The following HDAC9 variants were observed in gnomAD, a reference collection of about 807,000 sequenced individuals.
The protein encoded by HDAC9 is histone deacetylase 9.
In HDAC9, 41 loss-of-function variants were observed where a neutral mutation model predicts 139.4. The ratio of observed to expected loss-of-function variants is 0.29; its 90% confidence interval spans 0.23 to 0.38. The LOEUF (loss-of-function observed/expected upper bound fraction) is 0.38, where lower values mean the gene tolerates loss of function less well. Among genes scored for constraint, HDAC9 ranks in the 10% least tolerant of loss-of-function variants. The pLI, the probability that HDAC9 is intolerant of heterozygous loss-of-function variation, is 1.00. For missense variants in HDAC9, 1,147 were observed against 1,297.0 expected, an observed-to-expected ratio of 0.88 and a Z score of 1.78; for synonymous variants, 517 against 476.2, an observed-to-expected ratio of 1.09 and a Z score of -1.12.
chr7:18,573,520 C>T (rs555160815), intron 2 of HDAC9, among the ~76,000 whole-genome samples: 2 of 152,304 alleles, frequency 1.3e-5, no homozygotes, highest in South Asian at 2.1e-4. Flanking sequence ...TCCACCCACT[C>T]GGCTCAACAG....
At chr7:18,500,163 A>G (rs1798000425) in intron 2 of HDAC9, among the ~76,000 whole-genome samples, 1 of 152,186 alleles carries the variant, frequency 6.6e-6, no homozygotes. Context: ...CAGGAGGCAT[A>G]ATTATTGTTA....
At chr7:18,385,088 G>A (rs1181924257) in intron 1 of HDAC9, among the ~76,000 whole-genome samples, 1 of 152,136 alleles carries the variant, frequency 6.6e-6, no homozygotes, top group Admixed American at 6.5e-5. Flanking sequence ...AAGTTGGTGT[G>A]GATGCCAAAA....
In HDAC9 at chr7:18,474,929, C is replaced by T. The variant is rs111651883; in HGVS notation, c.-41-21333C>T. ...AAGGAAAGAGAAATCTATAAAGACA[C>T]CTTGTATGGATGTTGCTGATGTCAC... On this transcript the variant is annotated intron_variant, in intron 1 of 3. Transcript: ENST00000413509. 8.0e-3 allele frequency among the ~76,000 whole-genome samples: 1,217 copies of T among 152,200 alleles called. 19 individuals carry two copies. Among genetic ancestry groups the T allele is most frequent in the African/African-American group, 0.028 (1,154 of 41,526 alleles).
intron 6 of HDAC9, among the ~76,000 whole-genome samples, chr7:18,625,466 G>T (rs1841425806): frequency 6.6e-6 from 1 of 152,120 alleles, no homozygotes; most frequent in African/African-American, 2.4e-5. Flanking sequence ...GTGCTTTGTA[G>T]GATGTTTGGC....
At chr7:18,419,985 C>T (rs1789467576) in intron 1 of HDAC9, among the ~76,000 whole-genome samples, 1 of 152,242 alleles carries the variant, frequency 6.6e-6, no homozygotes, top group Non-Finnish European at 1.5e-5. Flanking sequence ...GACTCAGGTA[C>T]AGGCACTATG....
intron 1 of HDAC9, among the ~76,000 whole-genome samples, chr7:18,149,470 C>G (rs930867472): frequency 6.7e-6 from 1 of 150,296 alleles, no homozygotes; most frequent in African/African-American, 2.4e-5. Context: ...TTCCTCCCAC[C>G]TCTGCCTCCT....
intron 22 of HDAC9, among the ~76,000 whole-genome samples, chr7:18,888,404 G>A (rs1164241001): frequency 6.6e-6 from 1 of 152,142 alleles, no homozygotes; most frequent in Non-Finnish European, 1.5e-5. Context: ...CAGCCTGGGC[G>A]ACAGAGCGAG....
At chr7:18,399,863 C>T (rs1787378539) in intron 1 of HDAC9, among the ~76,000 whole-genome samples, 1 of 152,174 alleles carries the variant, frequency 6.6e-6, no homozygotes, top group South Asian at 2.1e-4. Context: ...AATCTGCTCC[C>T]AGCAAGCTTG....
At chr7:18,409,961 G>A (rs2073846859) in intron 1 of HDAC9, among the ~76,000 whole-genome samples, 2 of 152,126 alleles carry the variant, frequency 1.3e-5, no homozygotes, top group African/African-American at 4.8e-5. Flanking sequence ...GTAGTAAAGT[G>A]AACAATAGAA....
chr7:18,211,434 A>T (rs1791929177), intron 2 of HDAC9, among the ~76,000 whole-genome samples: 1 of 152,120 alleles, frequency 6.6e-6, no homozygotes, highest in African/African-American at 2.4e-5. Context: ...AATTGATTTG[A>T]CCTTTTGTCC....
At chr7:18,378,383 A>T (rs771181592) in intron 1 of HDAC9, among the ~76,000 whole-genome samples, 11 of 152,012 alleles carry the variant, frequency 7.2e-5, no homozygotes, top group Non-Finnish European at 1.3e-4. Context: ...TAAATTATAT[A>T]AAAAACTTTA....
At chr7:18,100,649 A>G (rs1782788511) in intron 1 of HDAC9, among the ~76,000 whole-genome samples, 1 of 152,184 alleles carries the variant, frequency 6.6e-6, no homozygotes, top group Non-Finnish European at 1.5e-5. Flanking sequence ...AACTTTCTGG[A>G]CATATGGAAT....
intron 6 of HDAC9, among the ~76,000 whole-genome samples, chr7:18,614,579 CTCT>C (rs1179129876): frequency 3.3e-5 from 5 of 152,114 alleles, no homozygotes; most frequent in Admixed American, 1.3e-4. Context: ...AATGGAGTCT[CTCT>C]TCTTCTCTTC....
At chr7:18,225,968 C>G (rs1793025842) in intron 2 of HDAC9, among the ~76,000 whole-genome samples, 1 of 152,076 alleles carries the variant, frequency 6.6e-6, no homozygotes, top group Admixed American at 6.6e-5. Flanking sequence ...ACCAGAAACT[C>G]TTAAAATATA....
At chr7:18,410,080 T>C (rs1456715648) in intron 1 of HDAC9, among the ~76,000 whole-genome samples, 1 of 152,196 alleles carries the variant, frequency 6.6e-6, no homozygotes, top group East Asian at 1.9e-4. Flanking sequence ...AATATAGCAC[T>C]TTTGGAACAC....
intron 17 of HDAC9, among the ~76,000 whole-genome samples, chr7:18,806,992 C>T (rs540665764): frequency 2.0e-5 from 3 of 152,100 alleles, no homozygotes; most frequent in Non-Finnish European, 4.4e-5. Flanking sequence ...GAAATGCTCC[C>T]TTCTTTTTTA....
upstream of HDAC9, among the ~76,000 whole-genome samples, chr7:18,285,655 T>G (rs680882): frequency 0.66 from 100,345 of 151,912 alleles, 34,819 homozygotes; most frequent in South Asian, 0.82. Flanking sequence ...AAAATGTTAA[T>G]GTTTCATAAT....
intron 1 of HDAC9, among the ~76,000 whole-genome samples, chr7:18,348,454 G>A (rs1295446826): frequency 2.0e-5 from 3 of 152,044 alleles, no homozygotes; most frequent in Non-Finnish European, 4.4e-5. Flanking sequence ...TTTTGGGAAG[G>A]TTCAATTAGA....
Position 18,689,226 on chromosome 7 carries a change from A to G in HDAC9, c.1731+22750A>G, listed in dbSNP as rs890924295. On this transcript the variant is annotated intron_variant, in intron 12 of 25. Coordinates refer to ENST00000686413, the MANE Select transcript of HDAC9 (RefSeq NM_178425.4). ...GCTTTCTTTTCTAAACATTATTGCAACTTCCAAATGAATACATTATTTCCC... is the reference window on the plus strand; with the variant it reads ...GCTTTCTTTTCTAAACATTATTGCAGCTTCCAAATGAATACATTATTTCCC... Among the ~76,000 whole-genome samples, 10 of 151,552 alleles carry G rather than the reference A, an allele frequency of 6.6e-5. No homozygotes were observed. The South Asian group carries it at 1.7e-3, about 25-fold the overall frequency.
Sources: gnomAD v4.1 joint callset for allele counts (sites outside exome capture counted in the v4.1 genomes callset) on GRCh38, gnomAD v4.1.1 for gene constraint, MANE v1.5 for transcripts, NCBI Gene and HGNC (gene_info 2026-07-23, HGNC 2026-07-21) for gene names.